Variants in SLC4A1AP observed in about 807,000 individuals in gnomAD.
The protein encoded by SLC4A1AP is solute carrier family 4 member 1 adaptor protein.
A neutral mutation model predicts 89.7 loss-of-function variants in SLC4A1AP; 64 were observed. That is an observed-to-expected ratio of 0.71 (90% confidence interval 0.58 to 0.88). SLC4A1AP has a LOEUF of 0.88. Ranked by LOEUF, SLC4A1AP falls within the 40% of genes least tolerant of loss-of-function variation. SLC4A1AP has a pLI of 0.00. For missense variants in SLC4A1AP, 931 were observed against 965.0 expected, an observed-to-expected ratio of 0.96 and a Z score of 0.47; for synonymous variants, 366 against 353.3, an observed-to-expected ratio of 1.04 and a Z score of -0.40.
chr2:27,687,799 A>G (rs1429488460), intron 10 of SLC4A1AP, 135 bp from the exon 11 acceptor site: 4 of 621,986 alleles, frequency 6.4e-6, no homozygotes, highest in Admixed American at 3.2e-5. Context: ...AAACCTTAAG[A>G]TTAGTTGAAG....
chr2:27,669,808 A>G (rs1675391993), intron 5 of SLC4A1AP, among the ~76,000 whole-genome samples: 2 of 152,080 alleles, frequency 1.3e-5, no homozygotes, highest in African/African-American at 4.8e-5. Context: ...CTCCTGCCTC[A>G]GCTTCCCTAG....
rs551934667 is a variant in SLC4A1AP, at chr2:27,672,410, T to A, written c.1345+3023T>A. On this transcript the variant is annotated intron_variant, in intron 5 of 13. Transcript: ENST00000613058. The stretch of plus-strand genomic sequence containing the variant: ...AGGTTTTAATTTCTTTCTCTTTTTT[T>A]AAAGTTTTTAAAATCAGGCAGTCTT... 5.4e-4 allele frequency among the ~76,000 whole-genome samples: 82 copies of A among 152,246 alleles called. 2 individuals are homozygous for A. In the South Asian group the frequency reaches 0.017, roughly 31 times the overall value.
chr2:27,688,009 C>G, exon 11 of SLC4A1AP: 1 of 1,613,528 alleles, frequency 6.2e-7, no homozygotes. Context: ...TCATTGTGCG[C>G]AGGACCCTCA....
At chr2:27,669,711 G>A (rs1333316282) in intron 5 of SLC4A1AP, among the ~76,000 whole-genome samples, 1 of 152,004 alleles carries the variant, frequency 6.6e-6, no homozygotes, top group Non-Finnish European at 1.5e-5. Flanking sequence ...TTATTTTTGA[G>A]ATGGAGTCTC....
At chr2:27,685,232 A>C (rs1482876498) in exon 10 of SLC4A1AP, 1 of 1,614,044 alleles carries the variant, frequency 6.2e-7, no homozygotes, top group Admixed American at 1.7e-5. Context: ...GCAGGAAATG[A>C]GGCCTCCCAC....
chr2:27,679,558 C>G (rs1286660288), intron 8 of SLC4A1AP, among the ~76,000 whole-genome samples: 1 of 152,078 alleles, frequency 6.6e-6, no homozygotes, highest in East Asian at 1.9e-4. Flanking sequence ...GCCGAGATTG[C>G]GCCACTGCAC....
chr2:27,676,845 A>C (rs1035883343), intron 6 of SLC4A1AP, among the ~76,000 whole-genome samples: 12 of 151,696 alleles, frequency 7.9e-5, no homozygotes, highest in Admixed American at 3.9e-4. Flanking sequence ...AAAAAAAAAA[A>C]AACTATTAAC....
At chr2:27,670,250 G>T (rs1280575542) in intron 5 of SLC4A1AP, among the ~76,000 whole-genome samples, 2 of 151,872 alleles carry the variant, frequency 1.3e-5, no homozygotes, top group African/African-American at 4.8e-5. Context: ...CACCCGCCTT[G>T]GCCTCCCAAA....
intron 3 of SLC4A1AP, 95 bp from the exon 4 acceptor site, chr2:27,668,748 C>A: frequency 8.5e-7 from 1 of 1,181,254 alleles, no homozygotes; most frequent in Non-Finnish European, 1.3e-6. Flanking sequence ...CTGCTAGGAA[C>A]TTGTTCGTAT....
chr2:27,681,210 A>G (rs1675613123), intron 8 of SLC4A1AP, among the ~76,000 whole-genome samples: 2 of 152,158 alleles, frequency 1.3e-5, no homozygotes, highest in South Asian at 2.1e-4. Flanking sequence ...GTGAAGGATA[A>G]TGATTTGACA....
chr2:27,670,672 C>T (rs927850014), intron 5 of SLC4A1AP, among the ~76,000 whole-genome samples: 3 of 151,122 alleles, frequency 2.0e-5, no homozygotes, highest in Non-Finnish European at 2.9e-5. Flanking sequence ...CTGGCTAACA[C>T]GGTGAAACCC....
At chr2:27,686,698 C>T (rs1264186447) in intron 10 of SLC4A1AP, among the ~76,000 whole-genome samples, 6 of 152,188 alleles carry the variant, frequency 3.9e-5, no homozygotes, top group Admixed American at 1.3e-4. Flanking sequence ...TGCTTGAACC[C>T]GGGAGACAGA....
exon 8 of SLC4A1AP, chr2:27,677,860 GAAC>G: frequency 6.2e-7 from 1 of 1,613,508 alleles, no homozygotes; most frequent in Non-Finnish European, 8.5e-7. Flanking sequence ...ACTGAGGAAA[GAAC>G]AACAGAGACT....
chr2:27,672,942 T>A (rs1675449493), intron 5 of SLC4A1AP, among the ~76,000 whole-genome samples: 1 of 152,188 alleles, frequency 6.6e-6, no homozygotes, highest in African/African-American at 2.4e-5. Context: ...TCAGCTGTTT[T>A]CAGGACAGTA....
At chr2:27,689,478 T>C (rs781142265) in intron 12 of SLC4A1AP, among the ~76,000 whole-genome samples, 1 of 152,102 alleles carries the variant, frequency 6.6e-6, no homozygotes, top group Non-Finnish European at 1.5e-5. Flanking sequence ...GGGCAAAATA[T>C]GGTGGAAACC....
At chr2:27,666,866 TATA>T (rs1039033384) in intron 2 of SLC4A1AP, among the ~76,000 whole-genome samples, 2 of 61,890 alleles carry the variant, frequency 3.2e-5, no homozygotes, top group African/African-American at 7.2e-5. Flanking sequence ...TATATATATA[TATA>T]TATTTTTTTT....
chr2:27,678,825 C>T (rs1675566259), intron 8 of SLC4A1AP, among the ~76,000 whole-genome samples: 1 of 150,936 alleles, frequency 6.6e-6, no homozygotes, highest in African/African-American at 2.4e-5. Flanking sequence ...ATCAAGTGAT[C>T]CTCCTGCCTC....
intron 10 of SLC4A1AP, among the ~76,000 whole-genome samples, chr2:27,685,504 A>C (rs1163366115): frequency 6.6e-6 from 1 of 152,230 alleles, no homozygotes; most frequent in Non-Finnish European, 1.5e-5. Context: ...TTCCAGAATT[A>C]CAGAAAATTG....
chr2:27,685,004 A>G, intron 9 of SLC4A1AP, 33 bp from the exon 10 acceptor site: 1 of 1,561,434 alleles, frequency 6.4e-7, no homozygotes, highest in Non-Finnish European at 8.6e-7. Context: ...CATTAAGTAG[A>G]ACTACTTGTT....
Sources: gnomAD v4.1 joint callset for allele counts (sites outside exome capture counted in the v4.1 genomes callset) on GRCh38, gnomAD v4.1.1 for gene constraint, MANE v1.5 for transcripts, NCBI Gene and HGNC (gene_info 2026-07-23, HGNC 2026-07-21) for gene names.